Variants in SDC2 observed in about 807,000 individuals in gnomAD.
SDC2 encodes the protein syndecan 2.
A neutral mutation model predicts 22.2 loss-of-function variants in SDC2; 13 were observed. That is an observed-to-expected ratio of 0.59 (90% CI 0.38 to 0.93). The LOEUF (loss-of-function observed/expected upper bound fraction) is 0.93, where lower values mean the gene tolerates loss of function less well. SDC2 is among the 40% of genes least tolerant of loss of function. The pLI is 0.00. For synonymous variants in SDC2, 94 were observed against 92.8 expected (o/e 1.01, Z -0.07); for missense variants, 235 against 246.8 (o/e 0.95, Z 0.32).
At chr8:96,545,345 C>T (rs1216444198) in intron 1 of SDC2, among the ~76,000 whole-genome samples, 1 of 152,096 alleles carries the variant, frequency 6.6e-6, no homozygotes, top group Admixed American at 6.6e-5. Context: ...TAGGATCTGG[C>T]GTTTTAAATA....
intron 1 of SDC2, among the ~76,000 whole-genome samples, chr8:96,527,695 A>G (rs541345659): frequency 1.3e-5 from 2 of 152,318 alleles, no homozygotes; most frequent in African/African-American, 4.8e-5. Context: ...GGGAATCAAC[A>G]TATTTGGGAT....
chr8:96,498,616 G>A (rs1024659870), intron 1 of SDC2, among the ~76,000 whole-genome samples: 1 of 151,850 alleles, frequency 6.6e-6, no homozygotes, highest in East Asian at 1.9e-4. Context: ...TCAGCCTCCC[G>A]AGTAGCTGGG....
chr8:96,581,749 G>A (rs890153468), intron 1 of SDC2, among the ~76,000 whole-genome samples: 3 of 152,186 alleles, frequency 2.0e-5, no homozygotes, highest in African/African-American at 7.2e-5. Context: ...GCACGGGAGT[G>A]GATTAGGTTA....
intron 1 of SDC2, among the ~76,000 whole-genome samples, chr8:96,501,027 T>C (rs947544065): frequency 3.3e-5 from 5 of 152,172 alleles, no homozygotes; most frequent in Non-Finnish European, 5.9e-5. Flanking sequence ...AAAAATGTTA[T>C]TAAAGACATG....
chr8:96,578,955 A>G (rs770269824), intron 1 of SDC2, among the ~76,000 whole-genome samples: 10 of 152,234 alleles, frequency 6.6e-5, no homozygotes, highest in Non-Finnish European at 1.2e-4. Context: ...GATACCAGGA[A>G]TGTGAAACCT....
chr8:96,513,114 C>T (rs1214999708), intron 1 of SDC2, among the ~76,000 whole-genome samples: 1 of 152,076 alleles, frequency 6.6e-6, no homozygotes. Context: ...CATACTACAT[C>T]CTGCTTTTAA....
intron 1 of SDC2, among the ~76,000 whole-genome samples, chr8:96,561,053 G>C (rs146044792): frequency 0.081 from 12,368 of 152,156 alleles, 743 homozygotes; most frequent in East Asian, 0.15. Flanking sequence ...GCAATGAGCC[G>C]AGATGGCACC....
chr8:96,590,549 C>A (rs536713720), intron 1 of SDC2, among the ~76,000 whole-genome samples: 1 of 152,304 alleles, frequency 6.6e-6, no homozygotes, highest in East Asian at 1.9e-4. Context: ...CATTTCCCGT[C>A]CTAGGCATGT....
At chr8:96,540,629 C>T (rs1813833351) in intron 1 of SDC2, among the ~76,000 whole-genome samples, 2 of 152,074 alleles carry the variant, frequency 1.3e-5, no homozygotes, top group Admixed American at 1.3e-4. Context: ...CCCCAACACT[C>T]CTTTCCCCCA....
rs118053499 is a variant in SDC2 at position 96,528,546 on chromosome 8, G to T, written c.60+34215G>T. Among the ~76,000 whole-genome samples the T allele has an allele frequency of 6.6e-4, 101 of 152,170 alleles. 2 individuals carry two copies. In the East Asian group the frequency reaches 0.019, roughly 28 times the overall value. ...ATTCCAAAGAAAAAATTTTTTAAAT[G>T]GTTTGGTTTTTACATATACTGGGGA... On this transcript the variant is annotated intron_variant, in intron 1 of 4. Transcript: ENST00000302190.
chr8:96,559,125 C>G (rs1814167249), intron 1 of SDC2, among the ~76,000 whole-genome samples: 1 of 152,030 alleles, frequency 6.6e-6, no homozygotes, highest in South Asian at 2.1e-4. Flanking sequence ...TGGGATCTCC[C>G]TAAGGAGTAC....
intron 1 of SDC2, among the ~76,000 whole-genome samples, chr8:96,583,392 A>ATGTGTGTG (rs71267269): frequency 1.5e-3 from 157 of 102,268 alleles, no homozygotes; most frequent in African/African-American, 6.0e-3. Flanking sequence ...TATATGACAT[A>ATGTGTGTG]TGTGTGTGTG....
chr8:96,578,704 C>A (rs144402875), intron 1 of SDC2, among the ~76,000 whole-genome samples: 1 of 152,176 alleles, frequency 6.6e-6, no homozygotes, highest in South Asian at 2.1e-4. Flanking sequence ...CAGCCCCAGG[C>A]GGCATGGCTT....
At chr8:96,515,227 A>G (rs1330057416) in intron 1 of SDC2, among the ~76,000 whole-genome samples, 2 of 152,034 alleles carry the variant, frequency 1.3e-5, no homozygotes, top group Non-Finnish European at 2.9e-5. Context: ...CCTACTTTCT[A>G]CTTACTGCCT....
intron 1 of SDC2, among the ~76,000 whole-genome samples, chr8:96,495,179 G>A (rs1421633370): frequency 6.6e-6 from 1 of 152,186 alleles, no homozygotes; most frequent in East Asian, 1.9e-4. Flanking sequence ...CTGGCCGCTG[G>A]GGGACAGAGG....
At chr8:96,591,362 G>A (rs978154244) in intron 1 of SDC2, among the ~76,000 whole-genome samples, 1 of 152,140 alleles carries the variant, frequency 6.6e-6, no homozygotes, top group East Asian at 1.9e-4. Context: ...GGTCTCCTAG[G>A]CTTAAAATGG....
intron 1 of SDC2, among the ~76,000 whole-genome samples, chr8:96,547,749 A>T (rs2582841): frequency 0.76 from 109,637 of 143,428 alleles, 42,021 homozygotes; most frequent in Non-Finnish European, 0.86. Flanking sequence ...TTTTTTTTTT[A>T]AATTTTTATG....
intron 1 of SDC2, 60 bp downstream of exon 1, chr8:96,494,391 G>T: frequency 6.7e-7 from 1 of 1,503,606 alleles, no homozygotes; most frequent in African/African-American, 1.4e-5. Flanking sequence ...TACGAGAGGA[G>T]CCCGCAGGGA....
chr8:96,556,646 C>T (rs1377176704), intron 1 of SDC2, among the ~76,000 whole-genome samples: 5 of 151,896 alleles, frequency 3.3e-5, no homozygotes, highest in Admixed American at 6.6e-5. Flanking sequence ...AAGACTTAAA[C>T]GTTAGACCTA....
Sources: allele counts gnomAD v4.1 joint callset (sites outside exome capture counted in the v4.1 genomes callset), GRCh38; gene constraint gnomAD v4.1.1; transcripts MANE v1.5; gene names NCBI Gene and HGNC (gene_info 2026-07-23, HGNC 2026-07-21).